SMC2: variants seen among roughly 807,000 people sequenced by gnomAD.
SMC2 encodes the protein structural maintenance of chromosomes 2.
Under a neutral mutation model 142.6 loss-of-function variants are expected in SMC2, and 41 were observed. The ratio of observed to expected loss-of-function variants is 0.29; its 90% CI spans 0.22 to 0.37. The LOEUF (loss-of-function observed/expected upper bound fraction) is 0.37. SMC2 is among the 10% of genes least tolerant of loss of function. The pLI is 1.00. For synonymous variants in SMC2, 463 were observed against 457.5 expected (o/e 1.01, Z -0.15); for missense variants, 1,265 against 1,373.7 (o/e 0.92, Z 1.25).
chr9:104,139,192 C>A lies in SMC2; in HGVS notation c.3471C>A (p.Phe1157Leu). The A allele has an allele frequency of 6.2e-7, 1 of 1,601,546 alleles. No individual in the cohort carries two copies. The highest frequency in any genetic ancestry group is 8.5e-7 in the Non-Finnish European group (1 of 1,176,052). The change falls in exon 25 of 25, where the codon TTC becomes TTA. Residue 1157 changes from phenylalanine (F) to leucine (L), a missense_variant. Around this residue, in one of 4 missense-constraint regions of SMC2, gnomAD observed 192 missense variants for 261.9 expected, o/e 0.73. Coordinates refer to ENST00000374793, the MANE Select transcript of SMC2 (RefSeq NM_006444.3). The stretch of plus-strand genomic sequence containing the variant: ...TGTTCAACAATGCAAACGTTCTTTT[C>A]AAAACCAAGTTTGTGGATGGTGTTT... ...EGMFNNANVL[F>L]KTKFVDGVST...
chr9:104,126,511 G>T, intron 18 of SMC2, 130 bp from the exon 19 acceptor site: 3 of 579,408 alleles, frequency 5.2e-6, no homozygotes, highest in Non-Finnish European at 8.2e-6. Context: ...CTGTACTTTC[G>T]GTAGCTGAGT....
chr9:104,113,473 A>C lies in SMC2; in HGVS notation c.1412A>C (p.Glu471Ala). The C allele has an allele frequency of 6.3e-7, 1 of 1,595,586 alleles. No individual in the cohort carries two copies. The highest frequency in any genetic ancestry group is 1.1e-5 in the South Asian group (1 of 86,958). ...GCTGAAATGAAAAAGCTAAATTATG[A>C]AGGTTTGCCTTTAAAAACATGATAA... ...LEAEMKKLNY[E>A]ENKEESLLEK... The change falls in exon 11 of 25, where the codon GAA (glutamate) becomes GCA (alanine). Residue 471 changes from glutamate (E) to alanine (A), a missense_variant and splice_region_variant. Physicochemically the swap from Glu to Ala is moderately radical, Grantham distance 107 (BLOSUM62 -1). This residue lies in a region of SMC2 where 898 missense variants were observed against 904.2 expected (regional missense o/e 0.99). Coordinates refer to ENST00000374793, the MANE Select transcript of SMC2 (RefSeq NM_006444.3).
chr9:104,089,708 G>A (rs1018766167), upstream of SMC2, among the ~76,000 whole-genome samples: 4 of 152,064 alleles, frequency 2.6e-5, no homozygotes, highest in Admixed American at 1.3e-4. Context: ...GCAGTGGCGC[G>A]ATCTAGGCTC....
At chr9:104,136,809 T>C (rs1835594914) in intron 23 of SMC2, among the ~76,000 whole-genome samples, 1 of 151,594 alleles carries the variant, frequency 6.6e-6, no homozygotes, top group African/African-American at 2.4e-5. Context: ...ACACATTTTT[T>C]CCCTACTTAC....
At chr9:104,119,630 A>G (rs1318666164) in intron 15 of SMC2, among the ~76,000 whole-genome samples, 1 of 152,078 alleles carries the variant, frequency 6.6e-6, no homozygotes, top group Non-Finnish European at 1.5e-5. Flanking sequence ...TCTTGAACAT[A>G]TTTTTCCCAT....
Position 104,126,724 on chromosome 9 carries a change from A to G in SMC2, c.2535A>G (p.Glu845=). 1 of 1,613,106 alleles carries G rather than the reference A, an allele frequency of 6.2e-7. No homozygotes were observed. The highest frequency in any genetic ancestry group is 1.7e-5 in the Admixed American group (1 of 59,936). Residue 845 remains glutamate, a synonymous_variant, in exon 19 of 25, where the codon GAA becomes GAG. Coordinates refer to ENST00000374793, the MANE Select transcript of SMC2 (RefSeq NM_006444.3). ...AACAACAGCTTGAAGCTGTAAATGA[A>G]GCTATCAAATCCTATGAAAGTCAGA... is the stretch of plus-strand genomic sequence containing the variant. ...SYKQQLEAVN[E]AIKSYESQIE...
At position 104,138,036 on chromosome 9, in the gene SMC2, A is replaced by G. The variant is rs779927114; in HGVS notation, c.3288A>G (p.Ser1096=). 1.3e-5 allele frequency: 21 copies of G among 1,600,290 alleles called. No individual in the cohort carries two copies. In the African/African-American group the frequency reaches 2.4e-4, roughly 18 times the overall value. The change falls in exon 24 of 25, where the codon TCA becomes TCG. Residue 1096 remains serine, a synonymous_variant. Transcript: ENST00000374793. ...SGGQRSLVAL[S]LILSMLLFKP... ...TTCTTAGGTCTTTAGTGGCCTTGTC[A>G]TTAATACTGTCCATGCTTCTCTTCA...
rs567719837 is a variant in SMC2, at chr9:104,114,193, T to C, written c.1532+112T>C. The stretch of plus-strand genomic sequence containing the variant: ...ACCAAGATTTTTGTATGAAACTTGT[T>C]GTAAGCTGCTTTTCTTTCATTGGTA... On this transcript the variant is annotated intron_variant, in intron 12 of 24. Coordinates refer to ENST00000374793, the MANE Select transcript of SMC2 (RefSeq NM_006444.3). The C allele has an allele frequency of 2.1e-5, 12 of 571,716 alleles. No homozygotes were observed. The African/African-American group carries it at 2.1e-4, about 10-fold the overall frequency. 35.4% of individuals were successfully genotyped at this position (571,716 alleles called of 1,614,324 possible).
At chr9:104,098,669 T>C (rs1830757633) in intron 4 of SMC2, 101 bp downstream of exon 4, 4 of 1,208,566 alleles carry the variant, frequency 3.3e-6, no homozygotes, top group Non-Finnish European at 4.6e-6. Flanking sequence ...GATTTTATAC[T>C]TTTTATTTAC....
chr9:104,112,696 A>T (rs967407976), intron 10 of SMC2, among the ~76,000 whole-genome samples: 3 of 152,156 alleles, frequency 2.0e-5, no homozygotes, highest in African/African-American at 7.2e-5. Context: ...GTTTTGGAGG[A>T]TACCCCCATC....
intron 14 of SMC2, among the ~76,000 whole-genome samples, chr9:104,117,929 G>A (rs1294626488): frequency 1.3e-5 from 2 of 152,090 alleles, no homozygotes; most frequent in Non-Finnish European, 2.9e-5. Flanking sequence ...CTTTCATAAT[G>A]CTCCATACTA....
At chr9:104,114,968 T>TAAC (rs1458000090) in intron 13 of SMC2, 139 bp downstream of exon 13, 3 of 586,820 alleles carry the variant, frequency 5.1e-6, no homozygotes, top group Non-Finnish European at 8.0e-6. Flanking sequence ...ATTTGGTTCA[T>TAAC]AACTTTTTGA....
intron 9 of SMC2, among the ~76,000 whole-genome samples, chr9:104,106,602 A>G (rs1831816785): frequency 1.3e-5 from 2 of 152,246 alleles, no homozygotes; most frequent in South Asian, 4.2e-4. Context: ...CACGTTTGTC[A>G]GTCTGGTCTC....
upstream of SMC2, chr9:104,092,539 G>A (rs1480913842): frequency 6.6e-6 from 1 of 152,202 alleles, no homozygotes; most frequent in Admixed American, 6.5e-5. Context: ...AGAGTTAACA[G>A]AATCAATACA....
At chr9:104,099,137 C>G (rs1405212590) in intron 4 of SMC2, among the ~76,000 whole-genome samples, 1 of 151,966 alleles carries the variant, frequency 6.6e-6, no homozygotes, top group Non-Finnish European at 1.5e-5. Flanking sequence ...TCTCTGAGAC[C>G]TGGGTGTGCA....
intron 16 of SMC2, 112 bp from the exon 17 acceptor site, chr9:104,122,996 T>G: frequency 9.2e-7 from 1 of 1,082,454 alleles, no homozygotes; most frequent in Non-Finnish European, 1.3e-6. Context: ...TAGCATCTTA[T>G]ATTGTTTATA....
At chr9:104,102,887 T>A (rs1342900308) in intron 9 of SMC2, among the ~76,000 whole-genome samples, 1 of 151,748 alleles carries the variant, frequency 6.6e-6, no homozygotes, top group African/African-American at 2.4e-5. Flanking sequence ...GATTTTAAGT[T>A]GGATAGCCAC....
chr9:104,126,807 G>T, intron 19 of SMC2, 23 bp downstream of exon 19: 1 of 1,577,120 alleles, frequency 6.3e-7, no homozygotes, highest in South Asian at 1.1e-5. Context: ...TATCAAATTC[G>T]AGAAATTGAA....
At chr9:104,138,830 A>G (rs1476068878) in intron 24 of SMC2, among the ~76,000 whole-genome samples, 1 of 152,172 alleles carries the variant, frequency 6.6e-6, no homozygotes, top group Non-Finnish European at 1.5e-5. Flanking sequence ...ACCTTCTTTG[A>G]TATTAAAATG....
Sources: allele counts gnomAD v4.1 joint callset (sites outside exome capture counted in the v4.1 genomes callset), GRCh38; gene constraint gnomAD v4.1.1; regional missense constraint gnomAD v4.1.1; transcripts MANE v1.5; gene names NCBI Gene and HGNC (gene_info 2026-07-23, HGNC 2026-07-21).